The following RALGAPA2 variants were observed in gnomAD, a reference collection of about 807,000 sequenced individuals.
RALGAPA2 encodes the protein ral GTPase-activating protein subunit alpha-2.
A neutral mutation model predicts 230.4 loss-of-function variants in RALGAPA2; 139 were observed. The observed-to-expected ratio is 0.60, with a 90% CI of 0.53 to 0.69. The LOEUF (loss-of-function observed/expected upper bound fraction) is 0.69, where lower values mean the gene tolerates loss of function less well. Ranked by LOEUF, RALGAPA2 falls within the 30% of genes least tolerant of loss-of-function variation. The pLI is 0.00. For missense variants in RALGAPA2, 2,163 were observed against 2,276.0 expected, an observed-to-expected ratio of 0.95 and a Z score of 1.01; for synonymous variants, 847 against 837.8, an observed-to-expected ratio of 1.01 and a Z score of -0.19.
At chr20:20,562,761 C>T (rs1195555644) in intron 23 of RALGAPA2, among the ~76,000 whole-genome samples, 2 of 152,180 alleles carry the variant, frequency 1.3e-5, no homozygotes, top group East Asian at 3.9e-4. Flanking sequence ...TTACCTCCTA[C>T]ATATTTTTAC....
chr20:20,664,549 C>T (rs954411600), intron 3 of RALGAPA2, among the ~76,000 whole-genome samples: 3 of 152,160 alleles, frequency 2.0e-5, no homozygotes, highest in Admixed American at 2.0e-4. Context: ...AAGTATCTTA[C>T]ACAGGAGATC....
At position 20,605,366 on chromosome 20, in the gene RALGAPA2, G is replaced by A; in HGVS notation, c.1847C>T (p.Ser616Phe). Reference sequence around the variant, plus strand: ...AAGAAAGTCATCCCAGAGCTCTCGAGAAATGTACACACAGAGGTTTGCTCG... The same window carrying A: ...AAGAAAGTCATCCCAGAGCTCTCGAAAAATGTACACACAGAGGTTTGCTCG... Reference protein sequence around the residue: ...WIRANLCVYISRELWDDFLGV... With the variant: ...WIRANLCVYIFRELWDDFLGV... The change falls in exon 15 of 40, where the codon TCT becomes TTT. Residue 616 changes from serine to phenylalanine, a missense_variant. Coordinates refer to ENST00000202677, the MANE Select transcript of RALGAPA2 (RefSeq NM_020343.4). 1 of 1,613,834 alleles carries A rather than the reference G, an allele frequency of 6.2e-7. No homozygotes were observed. Among genetic ancestry groups the A allele is most frequent in the Non-Finnish European group, 8.5e-7 (1 of 1,179,834 alleles).
chr20:20,591,080 T>C (rs1234429373), intron 17 of RALGAPA2, 97 bp downstream of exon 17: 4 of 1,329,082 alleles, frequency 3.0e-6, no homozygotes, highest in Non-Finnish European at 4.0e-6. Flanking sequence ...TTGAAATAAA[T>C]ATATTCAGAA....
chr20:20,538,010 TAC>T (rs762661388), intron 24 of RALGAPA2, among the ~76,000 whole-genome samples: 3 of 152,178 alleles, frequency 2.0e-5, no homozygotes, highest in Non-Finnish European at 4.4e-5. Context: ...AGACTGAGCC[TAC>T]AGTTAAGCAC....
intron 20 of RALGAPA2, among the ~76,000 whole-genome samples, chr20:20,577,582 T>C (rs898420154): frequency 8.5e-5 from 13 of 152,142 alleles, no homozygotes; most frequent in African/African-American, 3.1e-4. Flanking sequence ...CCTTCTGGGT[T>C]CTCTGACTTT....
intron 1 of RALGAPA2, among the ~76,000 whole-genome samples, chr20:20,700,265 G>C (rs1257889089): frequency 2.6e-5 from 4 of 152,042 alleles, no homozygotes; most frequent in African/African-American, 9.7e-5. Context: ...CCAAGCACAA[G>C]GGGACATGGC....
Position 20,475,123 on chromosome 20 carries a change from T to C in RALGAPA2, c.5368-2167A>G, listed in dbSNP as rs145000886. Among the ~76,000 whole-genome samples the C allele has an allele frequency of 5.0e-3, 758 of 152,312 alleles. 7 individuals are homozygous for C. Among genetic ancestry groups the C allele is most frequent in the African/African-American group, 0.017 (711 of 41,572 alleles). Reference sequence around the variant, plus strand: ...TTTAAATAATTTAAATTAATGAATGTGGGTCTCCATCCTAGGTCTTTAAAC... The same window carrying C: ...TTTAAATAATTTAAATTAATGAATGCGGGTCTCCATCCTAGGTCTTTAAAC... On this transcript the variant is annotated intron_variant, in intron 36 of 39. Coordinates refer to ENST00000202677, the MANE Select transcript of RALGAPA2 (RefSeq NM_020343.4).
chr20:20,650,170 T>C (rs1048595774), intron 4 of RALGAPA2, among the ~76,000 whole-genome samples: 2 of 152,156 alleles, frequency 1.3e-5, no homozygotes, highest in Non-Finnish European at 2.9e-5. Flanking sequence ...AGTTCAAATA[T>C]GTTTCCTCAT....
intron 9 of RALGAPA2, among the ~76,000 whole-genome samples, chr20:20,631,690 A>G (rs887934216): frequency 2.6e-5 from 4 of 152,220 alleles, no homozygotes; most frequent in African/African-American, 9.6e-5. Context: ...GTAAGATAAT[A>G]AATTTGTACT....
intron 13 of RALGAPA2, 88 bp downstream of exon 13, chr20:20,615,955 T>C: frequency 3.7e-6 from 4 of 1,081,116 alleles, no homozygotes; most frequent in Non-Finnish European, 4.9e-6. Flanking sequence ...CGTAAAAACA[T>C]TAAATAAATG....
At position 20,643,523 on chromosome 20, in the gene RALGAPA2, T is replaced by C; in HGVS notation, c.355A>G (p.Thr119Ala). Residue 119 changes from threonine (T) to alanine (A), a missense_variant, in exon 5 of 40, where the codon ACT (threonine) becomes GCT (alanine). By Grantham distance (58) the Thr-to-Ala change is moderately conservative. Transcript: ENST00000202677. ...ATAAATACCTTAATAGAATTTCCAG[T>C]GTGTAGAAGCTTCTTTAAAGTTGAG... ...IGSTLKKLLHTGNSIKIRCEG... is the reference protein window; with the variant it reads ...IGSTLKKLLHAGNSIKIRCEG... 1 of 1,474,048 alleles carries C rather than the reference T, an allele frequency of 6.8e-7. No homozygotes were observed. The highest frequency in any genetic ancestry group is 9.2e-7 in the Non-Finnish European group (1 of 1,090,984). 91.3% of individuals were successfully genotyped at this position (1,474,048 alleles called of 1,614,324 possible).
chr20:20,708,903 C>T (rs2069721616), intron 1 of RALGAPA2, among the ~76,000 whole-genome samples: 1 of 152,156 alleles, frequency 6.6e-6, no homozygotes, highest in East Asian at 1.9e-4. Flanking sequence ...AGAATCTGGC[C>T]AGGCATGGTG....
At chr20:20,658,200 T>A (rs955732070) in intron 3 of RALGAPA2, among the ~76,000 whole-genome samples, 1 of 152,330 alleles carries the variant, frequency 6.6e-6, no homozygotes, top group South Asian at 2.1e-4. Context: ...CTACTAAGAA[T>A]ATTCCCAAAT....
chr20:20,594,593 TTCTA>T (rs1205882189), intron 16 of RALGAPA2, among the ~76,000 whole-genome samples: 13 of 152,270 alleles, frequency 8.5e-5, no homozygotes, highest in African/African-American at 2.6e-4. Flanking sequence ...AAGAGCTAAA[TTCTA>T]TCTTAGATTC....
At chr20:20,537,837 A>C (rs2063538415) in intron 24 of RALGAPA2, among the ~76,000 whole-genome samples, 1 of 152,158 alleles carries the variant, frequency 6.6e-6, no homozygotes, top group African/African-American at 2.4e-5. Flanking sequence ...CTGTACAAGC[A>C]TTTCTTCATA....
At chr20:20,393,669 G>A (rs922372597) in intron 39 of RALGAPA2, among the ~76,000 whole-genome samples, 54 of 152,146 alleles carry the variant, frequency 3.5e-4, no homozygotes, top group African/African-American at 1.2e-3. Context: ...GAATCTCCAC[G>A]TGTTTACATA....
chr20:20,506,473 A>C (rs552269953), intron 33 of RALGAPA2, among the ~76,000 whole-genome samples: 42 of 152,190 alleles, frequency 2.8e-4, no homozygotes, highest in Non-Finnish European at 5.1e-4. Flanking sequence ...TTTAGAGATG[A>C]AACACTGTTC....
intron 38 of RALGAPA2, among the ~76,000 whole-genome samples, chr20:20,400,018 G>T (rs116149395): frequency 6.6e-6 from 1 of 152,208 alleles, no homozygotes; most frequent in Non-Finnish European, 1.5e-5. Context: ...GTGGACTAGG[G>T]CTCCAGCTTT....
chr20:20,572,767 C>T (rs989250565), intron 21 of RALGAPA2, 108 bp downstream of exon 21: 3 of 926,796 alleles, frequency 3.2e-6, no homozygotes, highest in African/African-American at 3.4e-5. Context: ...CTAAATGTAC[C>T]ATTTGTGTTT....
Sources: allele counts gnomAD v4.1 joint callset (sites outside exome capture counted in the v4.1 genomes callset), GRCh38; gene constraint gnomAD v4.1.1; transcripts MANE v1.5; gene names NCBI Gene and HGNC (gene_info 2026-07-23, HGNC 2026-07-21).